The following FBXO10 variants were observed in gnomAD, a reference collection of about 807,000 sequenced individuals.
FBXO10 encodes F-box protein 10, also known as F-box only protein 10.
A neutral mutation model predicts 80.7 loss-of-function variants in FBXO10; 39 were observed. That is an observed-to-expected ratio of 0.48 (90% CI 0.37 to 0.63). FBXO10 has a LOEUF of 0.63. Ranked by LOEUF, FBXO10 falls within the 30% of genes least tolerant of loss-of-function variation. The pLI, the probability that FBXO10 is intolerant of heterozygous loss-of-function variation, is 0.00. For missense variants in FBXO10, 1,025 were observed against 1,269.0 expected (o/e 0.81, Z 2.92); for synonymous variants, 449 against 489.6 (o/e 0.92, Z 1.09).
intron 1 of FBXO10, among the ~76,000 whole-genome samples, chr9:37,569,790 A>G (rs1822702023): frequency 1.3e-5 from 2 of 152,202 alleles, no homozygotes; most frequent in East Asian, 3.8e-4. Context: ...AGCTATGATC[A>G]CACCACTGTA....
At chr9:37,559,525 T>G (rs756768242) in intron 1 of FBXO10, among the ~76,000 whole-genome samples, 1 of 152,214 alleles carries the variant, frequency 6.6e-6, no homozygotes, top group Non-Finnish European at 1.5e-5. Flanking sequence ...CTGTGATGAT[T>G]AAAAAATTGA....
chr9:37,540,385 C>A (rs1821880713), intron 2 of FBXO10, among the ~76,000 whole-genome samples: 1 of 152,028 alleles, frequency 6.6e-6, no homozygotes. Context: ...CAGGTTTCAC[C>A]ATGTTGGTCT....
chr9:37,554,089 G>T (rs1822278107), intron 1 of FBXO10, among the ~76,000 whole-genome samples: 1 of 152,164 alleles, frequency 6.6e-6, no homozygotes, highest in Admixed American at 6.6e-5. Flanking sequence ...ACTCACTTGT[G>T]TATGTGTATT....
chr9:37,572,656 A>T (rs1822788504), intron 1 of FBXO10, among the ~76,000 whole-genome samples: 1 of 152,222 alleles, frequency 6.6e-6, no homozygotes, highest in Non-Finnish European at 1.5e-5. Context: ...AAAGAAAAGC[A>T]AAAAAATGAT....
intron 1 of FBXO10, among the ~76,000 whole-genome samples, chr9:37,572,385 TAAG>T (rs1364499891): frequency 6.6e-6 from 1 of 152,126 alleles, no homozygotes; most frequent in Admixed American, 6.5e-5. Context: ...AGAAAATATC[TAAG>T]GATGTACTTG....
chr9:37,537,681 A>G lies in FBXO10; in HGVS notation c.848T>C (p.Phe283Ser). ...LLGLIKSSPT[F>S]LPTEDSDFLM... ...AAAGTCAGAGTCCTCTGTGGGGAGA[A>G]AAGTGGGTGAGGACTTGATAAGCCC... The change falls in exon 3 of 11, where the codon TTT (phenylalanine) becomes TCT (serine). Residue 283 changes from phenylalanine (F) to serine (S), a missense_variant. Physicochemically the swap from Phe to Ser is radical, Grantham distance 155. This residue lies in a region of FBXO10 where 450 missense variants were observed against 499.4 expected (regional missense o/e 0.90). Transcript: ENST00000432825. The G allele has an allele frequency of 6.2e-7, 1 of 1,614,008 alleles. No individual in the cohort carries two copies. Among genetic ancestry groups the G allele is most frequent in the Non-Finnish European group, 8.5e-7 (1 of 1,179,898 alleles).
Position 37,576,315 on chromosome 9 carries a change from G to T in FBXO10, c.-111C>A, listed in dbSNP as rs1432856057. 4 of 152,190 alleles carry T rather than the reference G, an allele frequency of 2.6e-5. No individual in the cohort carries two copies. The highest frequency in any genetic ancestry group is 1.3e-4 in the Admixed American group (2 of 15,296). 9.4% of individuals were successfully genotyped at this position (152,190 alleles called of 1,614,324 possible). A position where few individuals can be genotyped will look rare whatever the true frequency, so the allele number is the denominator to read the frequency against. ...CCGCAGCAGCCGGTAGGATTGCGGC[G>T]TGCGGCCAGCCCCGCCCGGGGGCGG... On this transcript the variant is annotated 5_prime_UTR_variant, in exon 1 of 11. Coordinates refer to ENST00000432825, the MANE Select transcript of FBXO10 (RefSeq NM_012166.3).
chr9:37,521,507 A>G, intron 8 of FBXO10, 62 bp downstream of exon 8: 6 of 1,415,056 alleles, frequency 4.2e-6, no homozygotes, highest in African/African-American at 1.5e-5. Flanking sequence ...AAATTGGAGA[A>G]AAAAAAAGAC....
At chr9:37,562,121 T>C (rs1822498650) in intron 1 of FBXO10, among the ~76,000 whole-genome samples, 1 of 152,188 alleles carries the variant, frequency 6.6e-6, no homozygotes, top group Non-Finnish European at 1.5e-5. Context: ...CTGTCTGTAC[T>C]CCCACTGCTT....
intron 8 of FBXO10, among the ~76,000 whole-genome samples, chr9:37,519,090 T>A (rs1165313094): frequency 1.3e-5 from 2 of 152,074 alleles, no homozygotes; most frequent in Non-Finnish European, 2.9e-5. Context: ...TTTGTATTTT[T>A]AGTAGAGACA....
intron 2 of FBXO10, among the ~76,000 whole-genome samples, chr9:37,540,390 TG>T (rs1821880911): frequency 6.6e-6 from 1 of 152,060 alleles, no homozygotes; most frequent in South Asian, 2.1e-4. Context: ...TTCACCATGT[TG>T]GTCTCGAACT....
chr9:37,524,823 A>G (rs1821427982), intron 6 of FBXO10, among the ~76,000 whole-genome samples: 1 of 152,230 alleles, frequency 6.6e-6, no homozygotes, highest in South Asian at 2.1e-4. Context: ...GGATTTGGAC[A>G]GGTGGTTGGG....
intron 1 of FBXO10, among the ~76,000 whole-genome samples, chr9:37,555,254 T>C (rs1448687107): frequency 6.6e-6 from 1 of 152,114 alleles, no homozygotes; most frequent in Admixed American, 6.6e-5. Flanking sequence ...CTGGTGGGTA[T>C]GTAATGGTAT....
intron 3 of FBXO10, among the ~76,000 whole-genome samples, 155 bp downstream of exon 3, chr9:37,536,955 G>A (rs564500081): frequency 5.3e-5 from 8 of 152,254 alleles, no homozygotes; most frequent in African/African-American, 1.7e-4. Context: ...GAGAAAAAGC[G>A]TTTCTGTCCT....
rs921528717 is a variant in FBXO10, at chr9:37,551,906, T to G, written c.-6-10132A>C. ...CAGCCATGCAACATCGTGAATGCTC[T>G]GCTGCTTAGAGATTTCTTCTGCCAA... On this transcript the variant is annotated intron_variant, in intron 1 of 10. Coordinates refer to ENST00000432825, the MANE Select transcript of FBXO10 (RefSeq NM_012166.3). Among the ~76,000 whole-genome samples the G allele has an allele frequency of 2.0e-5, 3 of 152,382 alleles. No individual in the cohort carries two copies. In the East Asian group the frequency reaches 5.8e-4, roughly 29 times the overall value.
chr9:37,537,438 T>C lies in FBXO10; in HGVS notation c.1091A>G (p.Asp364Gly). 6.2e-7 allele frequency: 1 copy of C among 1,602,042 alleles called. No individual in the cohort carries two copies. Among genetic ancestry groups the C allele is most frequent in the African/African-American group, 1.3e-5 (1 of 74,830 alleles). ...GTACATCAGCTGGTCCTCATCTTCATCCTCACCGCTGGGACTCAGGCCTCC... is the reference window on the plus strand; with the variant it reads ...GTACATCAGCTGGTCCTCATCTTCACCCTCACCGCTGGGACTCAGGCCTCC... ...SDGGLSPSGE[D>G]EDEDQLMYRL... Residue 364 changes from aspartate to glycine, a missense_variant, in exon 3 of 11, where the codon GAT becomes GGT. Coordinates refer to ENST00000432825, the MANE Select transcript of FBXO10 (RefSeq NM_012166.3).
At position 37,541,719 on chromosome 9, in the gene FBXO10, T is replaced by C. The variant is rs774808879; in HGVS notation, c.50A>G (p.Tyr17Cys). ...PLELWRMILAYLHLPDLGRCS... is the reference protein window; with the variant it reads ...PLELWRMILACLHLPDLGRCS... ...GCGGCCCAGGTCGGGAAGGTGCAAG[T>C]AGGCTAAGATCATGCGCCACAGCTC... Residue 17 changes from tyrosine (Y) to cysteine (C), a missense_variant, in exon 2 of 11, where the codon TAC (tyrosine) becomes TGC (cysteine). Tyr to Cys is a radical substitution (Grantham distance 194). Transcript: ENST00000432825. The C allele has an allele frequency of 1.2e-6, 2 of 1,612,708 alleles. No homozygotes were observed. The highest frequency in any genetic ancestry group is 1.1e-5 in the South Asian group (1 of 91,032).
intron 1 of FBXO10, among the ~76,000 whole-genome samples, chr9:37,568,944 C>T (rs2119196644): frequency 6.6e-6 from 1 of 152,188 alleles, no homozygotes; most frequent in Middle Eastern, 3.4e-3. Flanking sequence ...GGGAAGACAG[C>T]TGTAATGAAA....
At chr9:37,556,251 G>A (rs1284732538) in intron 1 of FBXO10, among the ~76,000 whole-genome samples, 2 of 152,030 alleles carry the variant, frequency 1.3e-5, no homozygotes, top group Non-Finnish European at 2.9e-5. Flanking sequence ...TATGCATTAT[G>A]CTTTTGGTAT....
Sources: gnomAD v4.1 joint callset for allele counts (sites outside exome capture counted in the v4.1 genomes callset) on GRCh38, gnomAD v4.1.1 for gene constraint, gnomAD v4.1.1 regional missense constraint, MANE v1.5 for transcripts, NCBI Gene and HGNC (gene_info 2026-07-23, HGNC 2026-07-21) for gene names.